The following MMS22L variants were observed in gnomAD, a reference collection of about 807,000 sequenced individuals.
The protein encoded by MMS22L is protein MMS22-like.
In MMS22L, 74 loss-of-function variants were observed where a neutral mutation model predicts 159.1. The ratio of observed to expected loss-of-function variants is 0.47; its 90% CI spans 0.39 to 0.56. The LOEUF is 0.56. Ranked by LOEUF, MMS22L falls within the 20% of genes least tolerant of loss-of-function variation. MMS22L has a pLI of 0.00. For missense variants in MMS22L, 1,351 were observed against 1,422.1 expected (o/e 0.95, Z 0.80); for synonymous variants, 517 against 506.9 (o/e 1.02, Z -0.27).
At chr6:97,264,060 C>G (rs1814809344) in intron 8 of MMS22L, 1 of 152,148 alleles carries the variant, frequency 6.6e-6, no homozygotes, top group African/African-American at 2.4e-5. Context: ...AGTCTGTTGT[C>G]AATACAGTCT....
intron 11 of MMS22L, 113 bp downstream of exon 11, chr6:97,246,515 A>C (rs1812658390): frequency 1.3e-6 from 1 of 778,778 alleles, no homozygotes; most frequent in African/African-American, 1.8e-5. Context: ...CCTTCAAAGC[A>C]TGAAAGTTAT....
intron 2 of MMS22L, 26 bp from the exon 3 acceptor site, chr6:97,281,388 A>G (rs979813000): frequency 7.1e-6 from 11 of 1,555,914 alleles, no homozygotes; most frequent in Non-Finnish European, 9.6e-6. Flanking sequence ...TTTCAATCTC[A>G]TAAAAAGTAT....
At chr6:97,199,273 G>A (rs1806874968) in intron 14 of MMS22L, among the ~76,000 whole-genome samples, 1 of 152,074 alleles carries the variant, frequency 6.6e-6, no homozygotes, top group Non-Finnish European at 1.5e-5. Context: ...AAGTCCATTT[G>A]TGAGCATTTT....
chr6:97,160,046 T>C (rs535509555), intron 22 of MMS22L, among the ~76,000 whole-genome samples: 5 of 151,052 alleles, frequency 3.3e-5, no homozygotes, highest in African/African-American at 1.2e-4. Context: ...CCACCTCCTT[T>C]TTATTGTTAT....
At chr6:97,197,702 C>T (rs777293961) in intron 14 of MMS22L, among the ~76,000 whole-genome samples, 2 of 152,094 alleles carry the variant, frequency 1.3e-5, no homozygotes, top group Non-Finnish European at 2.9e-5. Context: ...AGAATGAGCT[C>T]AGGCCGGGGG....
At chr6:97,240,747 C>A (rs1296792113) in intron 11 of MMS22L, among the ~76,000 whole-genome samples, 1 of 152,106 alleles carries the variant, frequency 6.6e-6, no homozygotes, top group African/African-American at 2.4e-5. Context: ...CTGCCACAGC[C>A]TCCTGAGAAG....
chr6:97,179,460 G>A lies in MMS22L; in HGVS notation c.2484C>T (p.Asn828=). 6.2e-7 allele frequency: 1 copy of A among 1,613,558 alleles called. No individual in the cohort carries two copies. Among genetic ancestry groups the A allele is most frequent in the Non-Finnish European group, 8.5e-7 (1 of 1,179,756 alleles). The change falls in exon 17 of 25, where the codon AAC becomes AAT. Residue 828 remains asparagine (N), a synonymous_variant. Transcript: ENST00000683635. ...IRCVLQMYIK[N]LSGPDDLLID... is the part of the protein sequence containing the mutation. ...TGAGCAAATCATCAGGCCCAGAGAGGTTTTTAATATACATTTGCAAAACAC... is the reference window on the plus strand; with the variant it reads ...TGAGCAAATCATCAGGCCCAGAGAGATTTTTAATATACATTTGCAAAACAC...
chr6:97,272,402 CAT>C (rs1815838198), intron 6 of MMS22L: 1 of 227,240 alleles, frequency 4.4e-6, no homozygotes, highest in Admixed American at 5.2e-5. Flanking sequence ...CTTATACTGT[CAT>C]AAATCAAGAG....
chr6:97,198,501 T>C (rs1000146516), intron 14 of MMS22L, among the ~76,000 whole-genome samples: 4 of 152,152 alleles, frequency 2.6e-5, no homozygotes, highest in African/African-American at 9.7e-5. Flanking sequence ...TTACCCACTA[T>C]GTTATTACAT....
rs1251956100 is a variant in MMS22L, at chr6:97,263,351, T to C, written c.926A>G (p.Lys309Arg). The change falls in exon 9 of 25, where the codon AAA (lysine) becomes AGA (arginine). Residue 309 changes from lysine (K) to arginine (R), a missense_variant. Lys to Arg is a conservative substitution (Grantham distance 26). Coordinates refer to ENST00000683635, the MANE Select transcript of MMS22L (RefSeq NM_001350599.2). ...LLIHLLDHRS[K>R]WFVSESFWNW... ...CCAACTTACTTCCGAGACAAACCAT[T>C]TACTTCTGTGGTCTAGAAGATGAAT... The C allele has an allele frequency of 2.5e-6, 4 of 1,584,052 alleles. No homozygotes were observed. The highest frequency in any genetic ancestry group is 2.6e-6 in the Non-Finnish European group (3 of 1,167,478).
At chr6:97,174,395 T>G (rs754764856) in intron 18 of MMS22L, among the ~76,000 whole-genome samples, 8 of 152,186 alleles carry the variant, frequency 5.3e-5, no homozygotes, top group Admixed American at 2.6e-4. Context: ...TCTGTGATTT[T>G]TCTTCTGCAG....
In MMS22L at chr6:97,165,477, GA is replaced by G; in HGVS notation, c.3010-21del. ...CATGCCCTACAAGGAAAAAAAGTAA[GA>G]AATACTAAGAGGTAAAGTTTCAAAG... On this transcript the variant is annotated intron_variant, in intron 20 of 24. Coordinates refer to ENST00000683635, the MANE Select transcript of MMS22L (RefSeq NM_001350599.2). 6.3e-7 allele frequency: 1 copy of G among 1,590,780 alleles called. No homozygotes were observed. The highest frequency in any genetic ancestry group is 8.6e-7 in the Non-Finnish European group (1 of 1,163,614).
intron 14 of MMS22L, among the ~76,000 whole-genome samples, chr6:97,196,702 AC>A (rs1480123036): frequency 1.3e-5 from 2 of 152,178 alleles, no homozygotes; most frequent in African/African-American, 4.8e-5. Context: ...ATATATTTAT[AC>A]ATTTAAACAT....
intron 9 of MMS22L, among the ~76,000 whole-genome samples, chr6:97,255,180 T>G (rs1424092310): frequency 6.6e-6 from 1 of 152,188 alleles, no homozygotes; most frequent in Non-Finnish European, 1.5e-5. Context: ...CATAGCTTAT[T>G]GCAATATTCC....
At chr6:97,179,101 G>A (rs36028005) in intron 17 of MMS22L, among the ~76,000 whole-genome samples, 2,360 of 151,896 alleles carry the variant, frequency 0.016, 31 homozygotes, top group Non-Finnish European at 0.023. Context: ...TACTTTTTTC[G>A]TGATCAGTTT....
At chr6:97,221,791 A>C (rs1328442135) in intron 14 of MMS22L, among the ~76,000 whole-genome samples, 3 of 152,002 alleles carry the variant, frequency 2.0e-5, no homozygotes, top group Admixed American at 6.6e-5. Context: ...CCCAAAAATT[A>C]TTAGAACACT....
At chr6:97,189,680 A>T (rs573084197) in intron 14 of MMS22L, among the ~76,000 whole-genome samples, 13 of 152,010 alleles carry the variant, frequency 8.6e-5, no homozygotes, top group African/African-American at 3.1e-4. Context: ...GACAAGTTTC[A>T]ACTAAGGGTA....
chr6:97,251,811 C>T (rs1414393565), intron 10 of MMS22L, among the ~76,000 whole-genome samples: 1 of 152,146 alleles, frequency 6.6e-6, no homozygotes, highest in East Asian at 1.9e-4. Flanking sequence ...GGGCTAGGTA[C>T]GGTGGCTCAC....
At chr6:97,202,215 A>G (rs895964692) in intron 14 of MMS22L, among the ~76,000 whole-genome samples, 2 of 152,222 alleles carry the variant, frequency 1.3e-5, no homozygotes, top group Non-Finnish European at 2.9e-5. Context: ...CCTATCCTAA[A>G]TAACAGTTTA....
Sources: gnomAD v4.1 joint callset for allele counts (sites outside exome capture counted in the v4.1 genomes callset) on GRCh38, gnomAD v4.1.1 for gene constraint, MANE v1.5 for transcripts, NCBI Gene and HGNC (gene_info 2026-07-23, HGNC 2026-07-21) for gene names.